The following BTBD2 variants were observed in gnomAD, a reference collection of about 807,000 sequenced individuals.
The protein encoded by BTBD2 is BTB/POZ domain-containing protein 2.
A neutral mutation model predicts 44.0 loss-of-function variants in BTBD2; 15 were observed. That is an observed-to-expected ratio of 0.34 (90% CI 0.23 to 0.53). BTBD2 has a LOEUF of 0.53. BTBD2 is among the 20% of genes least tolerant of loss of function. The pLI, the probability that BTBD2 is intolerant of heterozygous loss-of-function variation, is 0.95. For missense variants in BTBD2, 657 were observed against 746.4 expected, an observed-to-expected ratio of 0.88 and a Z score of 1.39; for synonymous variants, 443 against 335.9, an observed-to-expected ratio of 1.32 and a Z score of -3.49.
chr19:2,010,109 G>A (rs937352629), intron 1 of BTBD2, among the ~76,000 whole-genome samples: 3 of 152,156 alleles, frequency 2.0e-5, no homozygotes, highest in Non-Finnish European at 4.4e-5. Context: ...CGGAGATCGC[G>A]CCACTGGACT....
rs146975830 is a variant in BTBD2 at position 2,006,886 on chromosome 19, C to G, written c.407+8411G>C. Among the ~76,000 whole-genome samples the G allele has an allele frequency of 1.7e-3, 259 of 152,004 alleles. 3 individuals carry two copies. Among genetic ancestry groups the G allele is most frequent in the Non-Finnish European group, 3.0e-3 (206 of 67,986 alleles). ...TTATTTTTTATTTTTTTGAGACGGT[C>G]TCACTCTATCGCCCAGGCTGGAGTG... On this transcript the variant is annotated intron_variant, in intron 1 of 8. Transcript: ENST00000255608.
At chr19:1,998,747 G>A (rs1444419037) in intron 1 of BTBD2, among the ~76,000 whole-genome samples, 3 of 152,126 alleles carry the variant, frequency 2.0e-5, no homozygotes, top group Non-Finnish European at 2.9e-5. Flanking sequence ...GCCTCCCAGG[G>A]GGCTGAGAGC....
intron 1 of BTBD2, among the ~76,000 whole-genome samples, chr19:2,012,758 G>T (rs2016483227): frequency 6.6e-6 from 1 of 152,170 alleles, no homozygotes; most frequent in Non-Finnish European, 1.5e-5. Flanking sequence ...TCTCCAAGGG[G>T]TCCTTGTCCT....
chr19:1,994,653 G>A lies in BTBD2; in HGVS notation c.528-1477C>T, dbSNP rs1407590982. On this transcript the variant is annotated intron_variant, in intron 2 of 8. Coordinates refer to ENST00000255608, the MANE Select transcript of BTBD2 (RefSeq NM_017797.4). Reference sequence around the variant, plus strand: ...GTGTGCCTGTAGTCCCAGGTACTCAGGAGGCTGATGCAGGAGAATCACTTG... The same window carrying A: ...GTGTGCCTGTAGTCCCAGGTACTCAAGAGGCTGATGCAGGAGAATCACTTG... Among the ~76,000 whole-genome samples the A allele has an allele frequency of 2.0e-5, 3 of 152,040 alleles. No individual in the cohort carries two copies. The East Asian group carries it at 5.8e-4, about 29-fold the overall frequency.
chr19:2,012,990 C>T (rs1245508939), intron 1 of BTBD2, among the ~76,000 whole-genome samples: 2 of 152,120 alleles, frequency 1.3e-5, no homozygotes, highest in East Asian at 1.9e-4. Context: ...GCAAACCCAC[C>T]GCCCCTCACT....
At chr19:1,993,500 G>C (rs2016209260) in intron 2 of BTBD2, among the ~76,000 whole-genome samples, 2 of 152,176 alleles carry the variant, frequency 1.3e-5, no homozygotes, top group South Asian at 4.2e-4. Context: ...CTGGGAGCTG[G>C]GTGTCTCCTT....
In BTBD2 at chr19:2,015,304, C is replaced by A; in HGVS notation, c.400G>T (p.Ala134Ser). The A allele has an allele frequency of 6.4e-7, 1 of 1,558,906 alleles. No homozygotes were observed. Among genetic ancestry groups the A allele is most frequent in the East Asian group, 2.3e-5 (1 of 42,614 alleles). ...CGGGGTCGGGGCGCCCACCTGTGCG[C>A]GGGGATGCGCTGCGAGCTGAGCCCC... ...GKGLSSQRIP[A>S]HRFVLAVGSA... Residue 134 changes from alanine to serine, a missense_variant, in exon 1 of 9, where the codon GCG (alanine) becomes TCG (serine). By Grantham distance (99) the Ala-to-Ser change is moderately conservative (BLOSUM62 1). This residue lies in a region of BTBD2 where 191 missense variants were observed against 188.5 expected (regional missense o/e 1.01). Transcript: ENST00000255608.
At chr19:1,987,005 A>C (rs1485106252) in intron 7 of BTBD2, 29 bp from the exon 8 acceptor site, 1 of 1,601,726 alleles carries the variant, frequency 6.2e-7, no homozygotes, top group East Asian at 2.2e-5. Context: ...TGGGAGGCTC[A>C]GGCCTGGGGA....
In BTBD2 at chr19:1,995,276, A is replaced by ATTTTTTT. The variant is rs199549335; in HGVS notation, c.527+2067_527+2068insAAAAAAA. ...GCCACCGCGCCTAGCCATACTTTGGATTCTTTTTTTTTTTTTTTTTTTTGA... is the reference window on the plus strand; with the variant it reads ...GCCACCGCGCCTAGCCATACTTTGGATTTTTTTTTCTTTTTTTTTTTTTTTTTTTTGA... On this transcript the variant is annotated intron_variant, in intron 2 of 8. Transcript: ENST00000255608. Among the ~76,000 whole-genome samples the ATTTTTTT allele has an allele frequency of 4.0e-5, 4 of 99,028 alleles. 1 individual carries two copies. 65.0% of individuals were successfully genotyped at this position (99,028 alleles called of 152,430 possible). A position where few individuals can be genotyped will look rare whatever the true frequency, so the allele number is the denominator to read the frequency against.
At chr19:2,012,521 G>C (rs1014057623) in intron 1 of BTBD2, among the ~76,000 whole-genome samples, 1 of 152,192 alleles carries the variant, frequency 6.6e-6, no homozygotes, top group South Asian at 2.1e-4. Context: ...GGTGTGCATT[G>C]ACCAAGTGTC....
chr19:1,999,223 GGCTTCCACATGGGCCCCGACCACA>G lies in BTBD2; in HGVS notation c.408-1784_408-1761del, dbSNP rs904469987. 9.2e-5 allele frequency among the ~76,000 whole-genome samples: 14 copies of G among 152,206 alleles called. No homozygotes were observed. In the East Asian group the frequency reaches 1.2e-3, roughly 13 times the overall value. On this transcript the variant is annotated intron_variant, in intron 1 of 8. Transcript: ENST00000255608. Reference sequence around the variant, plus strand: ...GAGTCAGGTCAGAAACCAACGCAGTGGCTTCCACATGGGCCCCGACCACAGCTTCCACATCCGCCCCGAACCTCG... The same window carrying G: ...GAGTCAGGTCAGAAACCAACGCAGTGGCTTCCACATCCGCCCCGAACCTCG...
chr19:1,999,168 C>T (rs924353502), intron 1 of BTBD2, among the ~76,000 whole-genome samples: 3 of 152,174 alleles, frequency 2.0e-5, no homozygotes, highest in Admixed American at 6.5e-5. Context: ...TCAGCCCACC[C>T]GGTCCAGCCC....
rs1475793458 is a variant in BTBD2 at position 1,990,206 on chromosome 19, G to T, written c.791-5C>A. The T allele has an allele frequency of 2.5e-6, 4 of 1,589,896 alleles. No homozygotes were observed. The highest frequency in any genetic ancestry group is 3.4e-6 in the Non-Finnish European group (4 of 1,169,278). On this transcript the variant is annotated splice_polypyrimidine_tract_variant and splice_region_variant and intron_variant, in intron 4 of 8. Transcript: ENST00000255608. ...CCAGGACAGCCACCAGCGTGTCTGT[G>T]GGGTGGAGGAAGGGGCTGCGTGAAC...
chr19:2,015,385 A>C lies in BTBD2; in HGVS notation c.319T>G (p.Phe107Val). 6.3e-7 allele frequency: 1 copy of C among 1,582,828 alleles called. No individual in the cohort carries two copies. Among genetic ancestry groups the C allele is most frequent in the East Asian group, 2.3e-5 (1 of 43,244 alleles). The change falls in exon 1 of 9, where the codon TTC (phenylalanine) becomes GTC (valine). Residue 107 changes from phenylalanine (F) to valine (V), a missense_variant. By Grantham distance (50) the Phe-to-Val change is conservative. Transcript: ENST00000255608. The part of the protein sequence containing the change: ...QASKPTVQER[F>V]AFLFNNEVLC... The stretch of plus-strand genomic sequence containing the variant: ...ACCTCGTTGTTGAAGAGGAAGGCGA[A>C]GCGCTCCTGCACGGTGGGCTTGCTG...
chr19:2,000,760 C>T (rs996023802), intron 1 of BTBD2, among the ~76,000 whole-genome samples: 2 of 152,218 alleles, frequency 1.3e-5, no homozygotes, highest in Non-Finnish European at 2.9e-5. Context: ...CACAGCAGCA[C>T]GATTCCCAAC....
intron 6 of BTBD2, 90 bp downstream of exon 6, chr19:1,987,410 C>T: frequency 8.8e-7 from 1 of 1,139,904 alleles, no homozygotes; most frequent in African/African-American, 1.6e-5. Flanking sequence ...TCCCTGAGTT[C>T]TCCACCCCCA....
chr19:1,989,919 C>T, intron 5 of BTBD2, 85 bp downstream of exon 5: 1 of 1,488,122 alleles, frequency 6.7e-7, no homozygotes. Flanking sequence ...CCGCAGTGAA[C>T]TCGGGGGCAC....
At chr19:1,997,721 C>T (rs771488669) in intron 1 of BTBD2, among the ~76,000 whole-genome samples, 1 of 152,214 alleles carries the variant, frequency 6.6e-6, no homozygotes, top group Admixed American at 6.5e-5. Context: ...CTCTGCCAGC[C>T]CTCACCATCC....
At chr19:1,998,393 G>C (rs1054201713) in intron 1 of BTBD2, among the ~76,000 whole-genome samples, 1 of 152,232 alleles carries the variant, frequency 6.6e-6, no homozygotes, top group Non-Finnish European at 1.5e-5. Context: ...ACGTCCATGG[G>C]GAAGGGCATG....
Sources: allele counts gnomAD v4.1 joint callset (sites outside exome capture counted in the v4.1 genomes callset), GRCh38; gene constraint gnomAD v4.1.1; regional missense constraint gnomAD v4.1.1; transcripts MANE v1.5; gene names NCBI Gene and HGNC (gene_info 2026-07-23, HGNC 2026-07-21).